Variants in DPP6 observed in about 807,000 individuals in gnomAD.
DPP6 encodes dipeptidyl peptidase like 6.
Under a neutral mutation model 122.6 loss-of-function variants are expected in DPP6, and 69 were observed. That is an observed-to-expected ratio of 0.56 (90% CI 0.46 to 0.69). DPP6 has a LOEUF of 0.69. Ranked by LOEUF, DPP6 falls within the 30% of genes least tolerant of loss-of-function variation. The pLI is 0.00. For missense variants in DPP6, 928 were observed against 1,116.9 expected (o/e 0.83, Z 2.41); for synonymous variants, 418 against 433.1 (o/e 0.97, Z 0.43).
At chr7:154,286,738 C>T (rs190991821) in intron 1 of DPP6, among the ~76,000 whole-genome samples, 35 of 151,822 alleles carry the variant, frequency 2.3e-4, no homozygotes, top group Non-Finnish European at 3.2e-4. Context: ...CCTCACTCTT[C>T]CTGGCCTCCC....
chr7:153,758,762 C>T, the DPP6 span, among the ~76,000 whole-genome samples: 1 of 150,854 alleles, frequency 6.6e-6, no homozygotes, highest in Non-Finnish European at 1.5e-5. Context: ...GTTTGTGTAT[C>T]TATTCACATG....
intron 10 of DPP6, among the ~76,000 whole-genome samples, chr7:154,783,266 G>T (rs988122430): frequency 2.3e-4 from 35 of 152,186 alleles, no homozygotes; most frequent in African/African-American, 8.2e-4. Context: ...CTGGGCGAGG[G>T]TGACAACACT....
At chr7:154,588,675 A>C (rs1263392556) in intron 5 of DPP6, 1 of 152,250 alleles carries the variant, frequency 6.6e-6, no homozygotes, top group African/African-American at 2.4e-5. Context: ...TATTTCTAAA[A>C]AAAGGTTTTA....
chr7:154,238,582 A>C (rs1801371351), intron 1 of DPP6, among the ~76,000 whole-genome samples: 1 of 152,184 alleles, frequency 6.6e-6, no homozygotes, highest in African/African-American at 2.4e-5. Context: ...CAAGATAGCC[A>C]CTGCCACGGG....
intron 1 of DPP6, among the ~76,000 whole-genome samples, chr7:154,171,828 A>T (rs1797547228): frequency 6.8e-6 from 1 of 146,484 alleles, no homozygotes; most frequent in Non-Finnish European, 1.5e-5. Flanking sequence ...GATATATATA[A>T]CCACCATTCC....
intron 1 of DPP6, among the ~76,000 whole-genome samples, chr7:154,435,175 T>C (rs1018124173): frequency 6.6e-6 from 1 of 151,958 alleles, no homozygotes; most frequent in South Asian, 2.1e-4. Flanking sequence ...AGGCATTAAT[T>C]ATGTTTGTGT....
the DPP6 span, among the ~76,000 whole-genome samples, chr7:153,824,665 CAA>C: frequency 0.039 from 5,824 of 150,148 alleles, 151 homozygotes; most frequent in East Asian, 0.11. Context: ...GTCTGGGTAA[CAA>C]GAGTAAAACT....
At chr7:154,223,079 T>C (rs930674031) in intron 1 of DPP6, among the ~76,000 whole-genome samples, 1 of 148,450 alleles carries the variant, frequency 6.7e-6, no homozygotes, top group Admixed American at 6.6e-5. Context: ...GGTGAGAGAG[T>C]CTTGGTTTCC....
chr7:154,510,277 A>C (rs947614199), intron 3 of DPP6, among the ~76,000 whole-genome samples: 1 of 152,214 alleles, frequency 6.6e-6, no homozygotes, highest in Non-Finnish European at 1.5e-5. Context: ...TCCAGCAACC[A>C]GTGTACTAGT....
chr7:154,006,677 GA>G (rs1283542781), intron 1 of DPP6, among the ~76,000 whole-genome samples: 2 of 152,254 alleles, frequency 1.3e-5, no homozygotes, highest in African/African-American at 4.8e-5. Context: ...CTCCTCACCA[GA>G]AAACCGAGGC....
intron 1 of DPP6, among the ~76,000 whole-genome samples, chr7:153,916,215 C>T (rs1338716420): frequency 6.6e-6 from 1 of 151,992 alleles, no homozygotes; most frequent in African/African-American, 2.4e-5. Flanking sequence ...CCTCTTGATC[C>T]TCCCACCTTG....
chr7:154,468,039 T>G (rs1457042235), intron 2 of DPP6, among the ~76,000 whole-genome samples: 1 of 152,180 alleles, frequency 6.6e-6, no homozygotes, highest in Non-Finnish European at 1.5e-5. Context: ...GTGACACATT[T>G]CTCCAAAGAA....
At chr7:154,443,598 A>G (rs546665970) in intron 1 of DPP6, among the ~76,000 whole-genome samples, 1 of 149,368 alleles carries the variant, frequency 6.7e-6, no homozygotes, top group Admixed American at 6.6e-5. Flanking sequence ...GAGTGGATGG[A>G]TGGGTGAATG....
intron 1 of DPP6, among the ~76,000 whole-genome samples, chr7:154,400,521 C>A (rs1361357472): frequency 6.6e-6 from 1 of 152,170 alleles, no homozygotes; most frequent in African/African-American, 2.4e-5. Flanking sequence ...AGCGGCTGCC[C>A]ACCAGATGCC....
At chr7:154,014,179 G>A (rs3864491) in intron 1 of DPP6, among the ~76,000 whole-genome samples, 26,952 of 142,820 alleles carry the variant, frequency 0.19, 2,647 homozygotes, top group South Asian at 0.27. Context: ...AAATTCTACC[G>A]AAGTGATGAG....
chr7:154,104,470 T>C (rs1158076048), intron 1 of DPP6, among the ~76,000 whole-genome samples: 1 of 152,214 alleles, frequency 6.6e-6, no homozygotes, highest in East Asian at 1.9e-4. Flanking sequence ...TTTAGTAAGA[T>C]GAGAGAAGGT....
At chr7:154,256,099 G>A (rs967750143) in intron 1 of DPP6, among the ~76,000 whole-genome samples, 1 of 152,172 alleles carries the variant, frequency 6.6e-6, no homozygotes, top group African/African-American at 2.4e-5. Context: ...AATGGATAGA[G>A]GGAAGATATA....
At chr7:153,819,821 G>A in the DPP6 span, among the ~76,000 whole-genome samples, 4 of 152,022 alleles carry the variant, frequency 2.6e-5, no homozygotes, top group Non-Finnish European at 5.9e-5. Flanking sequence ...AATAAATGTA[G>A]TTTGATCAGT....
chr7:154,748,371 T>G (rs1462630363), intron 8 of DPP6, among the ~76,000 whole-genome samples: 2 of 152,076 alleles, frequency 1.3e-5, no homozygotes, highest in Non-Finnish European at 2.9e-5. Flanking sequence ...AGATCGGGGG[T>G]CTCCGGGTCT....
Sources: allele counts gnomAD v4.1 joint callset (sites outside exome capture counted in the v4.1 genomes callset), GRCh38; gene constraint gnomAD v4.1.1; transcripts MANE v1.5; gene names NCBI Gene and HGNC (gene_info 2026-07-23, HGNC 2026-07-21).